Variants in SPINK1 observed in about 807,000 individuals in gnomAD.
SPINK1 encodes the protein serine peptidase inhibitor Kazal type 1, also known as serine protease inhibitor Kazal-type 1.
A neutral mutation model predicts 9.5 loss-of-function variants in SPINK1; 5 were observed. The ratio of observed to expected loss-of-function variants is 0.52; its 90% confidence interval spans 0.27 to 1.10. The LOEUF is 1.10. Ranked by LOEUF, SPINK1 falls within the 50% of genes least tolerant of loss-of-function variation. The probability of loss-of-function intolerance (pLI) is 0.11; values close to 1 mark genes in which losing one functional copy is unlikely to be tolerated. For missense variants in SPINK1, 88 were observed against 92.7 expected (o/e 0.95, Z 0.21); for synonymous variants, 37 against 32.3 (o/e 1.14, Z -0.49).
In SPINK1 at chr5:147,828,070, G is replaced by GAATACTTA; in HGVS notation, c.145_146insTAAGTATT (p.Thr49IlefsTer49). ...TTCATTGGGATAAGTATTTCCATCA[G>GAATACTTA]TCCCACAGACAGGGTCATATATCTT... is the stretch of plus-strand genomic sequence containing the variant. On this transcript the variant is annotated frameshift_variant, in exon 3 of 4. Transcript: ENST00000296695. LOFTEE classifies it high-confidence loss of function. 6.2e-7 allele frequency: 1 copy of GAATACTTA among 1,613,466 alleles called. No homozygotes were observed. Among genetic ancestry groups the GAATACTTA allele is most frequent in the South Asian group, 1.1e-5 (1 of 91,044 alleles).
upstream of SPINK1, among the ~76,000 whole-genome samples, chr5:147,834,930 T>A (rs969109601): frequency 1.3e-5 from 2 of 152,262 alleles, no homozygotes; most frequent in African/African-American, 4.8e-5. Flanking sequence ...TAGATTTTTT[T>A]ATTCTATTCC....
At chr5:147,827,684 A>G (rs1756433050) in intron 3 of SPINK1, 2 of 194,826 alleles carry the variant, frequency 1.0e-5, no homozygotes, top group African/African-American at 2.4e-5. Context: ...TTGGTTATAT[A>G]ATCTATACAA....
the SPINK1 span, among the ~76,000 whole-genome samples, chr5:147,837,196 C>T: frequency 6.6e-6 from 1 of 152,164 alleles, no homozygotes; most frequent in African/African-American, 2.4e-5. Flanking sequence ...GTGCCTGGCA[C>T]AGCACCCTTT....
chr5:147,824,931 A>C (rs775261823), intron 3 of SPINK1, among the ~76,000 whole-genome samples: 11 of 152,232 alleles, frequency 7.2e-5, no homozygotes, highest in Non-Finnish European at 1.5e-4. Flanking sequence ...ACAGAAAGGA[A>C]AAATATCTGT....
At chr5:147,825,694 G>A (rs748482582) in intron 3 of SPINK1, among the ~76,000 whole-genome samples, 2 of 152,074 alleles carry the variant, frequency 1.3e-5, no homozygotes, top group Non-Finnish European at 2.9e-5. Context: ...ACCTGCCTGG[G>A]ACTTCCAAAG....
chr5:147,826,282 T>C (rs1373083138), intron 3 of SPINK1, among the ~76,000 whole-genome samples: 1 of 152,222 alleles, frequency 6.6e-6, no homozygotes, highest in Non-Finnish European at 1.5e-5. Flanking sequence ...TTGGGACTTT[T>C]AATCAACAGT....
chr5:147,831,666 G>T lies in SPINK1; in HGVS notation c.-89C>A. ...AGCCTGGGACTGGAAGGGTCATATG[G>T]CAGATGGCAGCAAGGCCCCACCTAC... On this transcript the variant is annotated 5_prime_UTR_variant, in exon 1 of 4. Transcript: ENST00000296695. 1 of 1,577,368 alleles carries T rather than the reference G, an allele frequency of 6.3e-7. No homozygotes were observed.
upstream of SPINK1, among the ~76,000 whole-genome samples, chr5:147,836,296 TTGTGTG>T (rs58122057): frequency 7.0e-3 from 1,022 of 146,538 alleles, 5 homozygotes; most frequent in Non-Finnish European, 0.01. Context: ...ATTTACTGAT[TTGTGTG>T]TGTGTGTGTG....
intron 3 of SPINK1, 155 bp downstream of exon 3, chr5:147,827,867 T>C: frequency 1.7e-6 from 1 of 589,866 alleles, no homozygotes; most frequent in South Asian, 2.3e-5. Context: ...TAATATTTAA[T>C]GCTAAATATA....
At chr5:147,834,267 T>C (rs916375152), upstream of SPINK1, among the ~76,000 whole-genome samples, 1 of 152,182 alleles carries the variant, frequency 6.6e-6, no homozygotes, top group African/African-American at 2.4e-5. Context: ...TAAATGTATA[T>C]ATTTCTGAAG....
At chr5:147,834,708 T>C (rs1389345017), upstream of SPINK1, among the ~76,000 whole-genome samples, 1 of 152,126 alleles carries the variant, frequency 6.6e-6, no homozygotes, top group East Asian at 1.9e-4. Flanking sequence ...CATTAGATAA[T>C]AATAGCAGCA....
At chr5:147,831,498 A>T in intron 1 of SPINK1, 25 bp downstream of exon 1, 4 of 1,612,832 alleles carry the variant, frequency 2.5e-6, no homozygotes, top group Non-Finnish European at 3.4e-6. Context: ...GTTTTATTTA[A>T]ATTTGAAAAA....
rs530356150 is a variant in SPINK1 at position 147,829,810 on chromosome 5, C to T, written c.56-180G>A. ...TCTGACTGATTTTCCTGTACCCCTT[C>T]CTTGGCAAAACCTTAAAAAGTTTGA... On this transcript the variant is annotated intron_variant, in intron 1 of 3. Coordinates refer to ENST00000296695, the MANE Select transcript of SPINK1 (RefSeq NM_001379610.1). 2.6e-5 allele frequency among the ~76,000 whole-genome samples: 4 copies of T among 152,290 alleles called. No individual in the cohort carries two copies. The East Asian group carries it at 7.7e-4, about 29-fold the overall frequency.
chr5:147,837,714 T>TTTCTTTCA, the SPINK1 span, among the ~76,000 whole-genome samples: 1 of 146,968 alleles, frequency 6.8e-6, no homozygotes, highest in Non-Finnish European at 1.5e-5. Context: ...TCTTTCTTTC[T>TTTCTTTCA]TTTTTGGGAT....
At chr5:147,832,043 C>A (rs1333471024), upstream of SPINK1, among the ~76,000 whole-genome samples, 3 of 152,098 alleles carry the variant, frequency 2.0e-5, no homozygotes, top group African/African-American at 7.2e-5. Flanking sequence ...TCCTTTCCTC[C>A]ACTCTTCCTT....
intron 1 of SPINK1, among the ~76,000 whole-genome samples, chr5:147,830,006 T>C (rs1304356761): frequency 1.3e-5 from 2 of 152,202 alleles, no homozygotes; most frequent in Non-Finnish European, 2.9e-5. Flanking sequence ...ATCTTTAATC[T>C]CACAATTAGT....
chr5:147,834,260 A>C (rs1230357508), upstream of SPINK1, among the ~76,000 whole-genome samples: 2 of 152,186 alleles, frequency 1.3e-5, no homozygotes, highest in Non-Finnish European at 2.9e-5. Context: ...TAAGTGATAA[A>C]TGTATATATT....
At chr5:147,826,219 C>G (rs1001542686) in intron 3 of SPINK1, among the ~76,000 whole-genome samples, 72 of 152,170 alleles carry the variant, frequency 4.7e-4, no homozygotes, top group African/African-American at 1.7e-3. Flanking sequence ...TTGGTATTAT[C>G]TACTTGTCTC....
chr5:147,826,261 A>AAGTTT (rs1756401833), intron 3 of SPINK1, among the ~76,000 whole-genome samples: 1 of 152,224 alleles, frequency 6.6e-6, no homozygotes, highest in Non-Finnish European at 1.5e-5. Context: ...TTTAGTTACT[A>AAGTTT]GGTAATAAGT....
Sources: gnomAD v4.1 joint callset for allele counts (sites outside exome capture counted in the v4.1 genomes callset) on GRCh38, gnomAD v4.1.1 for gene constraint, MANE v1.5 for transcripts, NCBI Gene and HGNC (gene_info 2026-07-23, HGNC 2026-07-21) for gene names.